The following MTCL1 variants were observed in gnomAD, a reference collection of about 807,000 sequenced individuals.
The protein encoded by MTCL1 is microtubule cross-linking factor 1.
Under a neutral mutation model 141.4 loss-of-function variants are expected in MTCL1, and 79 were observed. The observed-to-expected ratio is 0.56, with a 90% CI of 0.47 to 0.67. The LOEUF (loss-of-function observed/expected upper bound fraction) is 0.67, where lower values mean the gene tolerates loss of function less well. Among genes scored for constraint, MTCL1 ranks in the 30% least tolerant of loss-of-function variants. The pLI, the probability that MTCL1 is intolerant of heterozygous loss-of-function variation, is 0.00. For missense variants in MTCL1, 2,177 were observed against 2,113.9 expected (o/e 1.03, Z -0.59); for synonymous variants, 914 against 875.8 (o/e 1.04, Z -0.77).
rs142223500 is a variant in MTCL1, at chr18:8,821,411, G to A, written c.3157-56G>A. ...CAAACAAATCACTTAAGTACATTCA[G>A]GGCTTCTGGACAACCAAAATTAACC... is the stretch of plus-strand genomic sequence containing the variant. On this transcript the variant is annotated intron_variant, in intron 13 of 16. Transcript: ENST00000359865. 2.1e-3 allele frequency: 2,350 copies of A among 1,134,012 alleles called. 26 individuals carry two copies. In the Admixed American group the frequency reaches 0.024, roughly 11 times the overall value. 70.2% of individuals were successfully genotyped at this position (1,134,012 alleles called of 1,614,324 possible).
In MTCL1 at chr18:8,708,253, G is replaced by A. The variant is rs541188809; in HGVS notation, c.1053+1540G>A. The stretch of plus-strand genomic sequence containing the variant: ...GTTTATCCAAATGACTGCTGTGCAA[G>A]GGAAAACTGTATTTCTTTAAAGAAG... On this transcript the variant is annotated intron_variant, in intron 1 of 13. Transcript: ENST00000306329. 4.6e-5 allele frequency among the ~76,000 whole-genome samples: 7 copies of A among 152,312 alleles called. No homozygotes were observed. The South Asian group carries it at 1.2e-3, about 27-fold the overall frequency.
intron 4 of MTCL1, among the ~76,000 whole-genome samples, chr18:8,757,691 T>G (rs756345580): frequency 6.6e-6 from 1 of 152,158 alleles, no homozygotes; most frequent in Non-Finnish European, 1.5e-5. Context: ...TGGAGACACA[T>G]TTGCATTTTT....
chr18:8,771,750 T>C (rs1238946351), intron 4 of MTCL1, among the ~76,000 whole-genome samples: 1 of 152,250 alleles, frequency 6.6e-6, no homozygotes, highest in Non-Finnish European at 1.5e-5. Context: ...TTAGATGGAT[T>C]CAATTTGGAT....
intron 4 of MTCL1, among the ~76,000 whole-genome samples, chr18:8,772,225 G>A (rs2096487812): frequency 2.0e-5 from 3 of 152,136 alleles, no homozygotes; most frequent in Admixed American, 2.0e-4. Flanking sequence ...GGGGCTTCCT[G>A]GTCTTTTTAA....
At chr18:8,732,209 C>T (rs1012888427) in intron 4 of MTCL1, among the ~76,000 whole-genome samples, 2 of 151,890 alleles carry the variant, frequency 1.3e-5, no homozygotes, top group African/African-American at 2.4e-5. Context: ...CTCACCCTCC[C>T]GAGTAGCTGA....
chr18:8,794,070 A>G (rs1267319258), intron 8 of MTCL1, among the ~76,000 whole-genome samples: 2 of 152,214 alleles, frequency 1.3e-5, no homozygotes, highest in Non-Finnish European at 2.9e-5. Flanking sequence ...CACTACATGT[A>G]TGACTCTTTT....
chr18:8,817,198 T>A (rs2076682111), intron 12 of MTCL1, among the ~76,000 whole-genome samples: 1 of 151,960 alleles, frequency 6.6e-6, no homozygotes, highest in Non-Finnish European at 1.5e-5. Context: ...GATGATCATG[T>A]GTTGAAACTA....
In MTCL1 at chr18:8,798,258, G is replaced by A. The variant is rs765014540; in HGVS notation, c.2403G>A (p.Leu801=). 6 of 1,572,986 alleles carry A rather than the reference G, an allele frequency of 3.8e-6. No individual in the cohort carries two copies. The South Asian group carries it at 5.9e-5, about 15-fold the overall frequency. Reference sequence around the variant, plus strand: ...AGATTGGAGATCACAGCTTGCGGCTGCAGACCGCGGACAGGGGACAGCCCC... The same window carrying A: ...AGATTGGAGATCACAGCTTGCGGCTACAGACCGCGGACAGGGGACAGCCCC... The change falls in exon 10 of 17, where the codon CTG becomes CTA. Residue 801 remains leucine, a synonymous_variant. Transcript: ENST00000359865.
intron 4 of MTCL1, 99 bp from the exon 4 acceptor site, chr18:8,777,734 G>A (rs931209699): frequency 5.3e-5 from 53 of 1,009,210 alleles, no homozygotes; most frequent in Middle Eastern, 2.1e-4. Context: ...AACAGCCTCC[G>A]TTCAGTGTGT....
chr18:8,716,735 T>C (rs1271799821), upstream of MTCL1, among the ~76,000 whole-genome samples: 1 of 151,916 alleles, frequency 6.6e-6, no homozygotes, highest in Non-Finnish European at 1.5e-5. Flanking sequence ...GGTGTCTGAG[T>C]ATAGGAGAGA....
chr18:8,723,715 G>T (rs559912372), intron 4 of MTCL1, among the ~76,000 whole-genome samples: 1 of 152,076 alleles, frequency 6.6e-6, no homozygotes, highest in African/African-American at 2.4e-5. Flanking sequence ...TTTGTGAAAC[G>T]GTCTCTGAGT....
chr18:8,825,822 A>G (rs747047832), exon 15 of MTCL1: 1 of 1,614,090 alleles, frequency 6.2e-7, no homozygotes, highest in Non-Finnish European at 8.5e-7. Flanking sequence ...CGTGCACACC[A>G]CCATTAATGA....
upstream of MTCL1, among the ~76,000 whole-genome samples, chr18:8,713,745 C>G (rs982393487): frequency 6.6e-6 from 1 of 152,154 alleles, no homozygotes; most frequent in Non-Finnish European, 1.5e-5. Context: ...TGGTGGAAAG[C>G]CATTTATACT....
intron 10 of MTCL1, among the ~76,000 whole-genome samples, chr18:8,805,749 T>C (rs1341966116): frequency 6.6e-6 from 1 of 152,164 alleles, no homozygotes; most frequent in Non-Finnish European, 1.5e-5. Context: ...CTTTTATAAC[T>C]CTTGCTTCAT....
exon 5 of MTCL1, chr18:8,777,837 C>G: frequency 6.2e-7 from 1 of 1,613,730 alleles, no homozygotes; most frequent in Non-Finnish European, 8.5e-7. Flanking sequence ...TTTCAGAGTT[C>G]CCTAAAAAGA....
intron 13 of MTCL1, among the ~76,000 whole-genome samples, chr18:8,820,146 A>G (rs2076793997): frequency 6.6e-6 from 1 of 152,044 alleles, no homozygotes; most frequent in Non-Finnish European, 1.5e-5. Context: ...GTGGTGGCTC[A>G]TGCCTGTAAT....
chr18:8,765,330 G>A (rs969258726), intron 4 of MTCL1, among the ~76,000 whole-genome samples: 8 of 152,232 alleles, frequency 5.3e-5, no homozygotes, highest in Admixed American at 3.9e-4. Flanking sequence ...CTGCCCCAGT[G>A]AGCCCAAGGG....
chr18:8,713,185 C>A (rs967152567), upstream of MTCL1, among the ~76,000 whole-genome samples: 1 of 152,114 alleles, frequency 6.6e-6, no homozygotes, highest in African/African-American at 2.4e-5. Context: ...GGGGAATAGT[C>A]GACTGGACTT....
upstream of MTCL1, among the ~76,000 whole-genome samples, chr18:8,715,366 T>C (rs2148786687): frequency 6.6e-6 from 1 of 152,300 alleles, no homozygotes; most frequent in African/African-American, 2.4e-5. Context: ...AAAACTTTTG[T>C]CTTAGTTGCC....
Sources: gnomAD v4.1 joint callset for allele counts (sites outside exome capture counted in the v4.1 genomes callset) on GRCh38, gnomAD v4.1.1 for gene constraint, MANE v1.5 for transcripts, NCBI Gene and HGNC (gene_info 2026-07-23, HGNC 2026-07-21) for gene names.